Variants in GPHN observed in about 807,000 individuals in gnomAD.
The protein encoded by GPHN is gephyrin.
GPHN carries 17 observed loss-of-function variants against 95.5 expected under a neutral mutation model. That is an observed-to-expected ratio of 0.18 (90% confidence interval 0.12 to 0.27). The LOEUF is 0.27. Among genes scored for constraint, GPHN ranks in the 10% least tolerant of loss-of-function variants. The pLI, the probability that GPHN is intolerant of heterozygous loss-of-function variation, is 1.00. For synonymous variants in GPHN, 320 were observed against 322.5 expected, an observed-to-expected ratio of 0.99 and a Z score of 0.08; for missense variants, 660 against 978.1, an observed-to-expected ratio of 0.67 and a Z score of 4.34.
At chr14:66,614,219 T>G (rs1284713082) in intron 1 of GPHN, among the ~76,000 whole-genome samples, 1 of 152,126 alleles carries the variant, frequency 6.6e-6, no homozygotes, top group African/African-American at 2.4e-5. Context: ...TTTGGGTCTC[T>G]CAACAAACAA....
chr14:67,579,049 C>A, the GPHN span: 1 of 924,388 alleles, frequency 1.1e-6, no homozygotes, highest in Non-Finnish European at 1.7e-6. Context: ...AGTTTTGGTC[C>A]TGGCTGAGTC....
intron 5 of GPHN, among the ~76,000 whole-genome samples, chr14:66,900,297 TTATC>T (rs766572035): frequency 1.4e-4 from 22 of 151,994 alleles, no homozygotes; most frequent in Non-Finnish European, 2.6e-4. Context: ...ATTTTGCTCT[TTATC>T]TAGTTCTTGA....
chr14:66,947,045 A>G (rs2067799992), intron 8 of GPHN, among the ~76,000 whole-genome samples: 1 of 152,232 alleles, frequency 6.6e-6, no homozygotes. Context: ...ATGGATTCTT[A>G]TCACATTCAT....
the GPHN span, among the ~76,000 whole-genome samples, chr14:67,210,495 G>A: frequency 6.6e-6 from 1 of 152,072 alleles, no homozygotes; most frequent in Non-Finnish European, 1.5e-5. Context: ...AGCTGGAAAA[G>A]CAAAATTCCA....
chr14:66,754,256 T>A (rs910092648), intron 2 of GPHN, among the ~76,000 whole-genome samples: 1 of 152,092 alleles, frequency 6.6e-6, no homozygotes, highest in East Asian at 1.9e-4. Context: ...ATATGGTGAC[T>A]CTGTCTTCAG....
the GPHN span, chr14:67,569,094 G>A: frequency 2.2e-6 from 3 of 1,333,852 alleles, no homozygotes; most frequent in Non-Finnish European, 3.2e-6. Context: ...GGGTGGGATG[G>A]GCATCATGCC....
chr14:67,250,812 T>G, the GPHN span, among the ~76,000 whole-genome samples: 2 of 152,236 alleles, frequency 1.3e-5, no homozygotes, highest in African/African-American at 4.8e-5. Flanking sequence ...CTTCTGTTTT[T>G]TATACCTTAT....
chr14:66,745,751 G>A (rs923592117), intron 2 of GPHN, among the ~76,000 whole-genome samples: 1 of 151,916 alleles, frequency 6.6e-6, no homozygotes, highest in East Asian at 1.9e-4. Context: ...GTTTACTTAT[G>A]TATAATGAGT....
At chr14:67,050,373 G>A (rs1184543692) in intron 10 of GPHN, among the ~76,000 whole-genome samples, 1 of 152,128 alleles carries the variant, frequency 6.6e-6, no homozygotes, top group Non-Finnish European at 1.5e-5. Context: ...TTGTTTGAAA[G>A]ATTTGCCATT....
chr14:66,597,064 G>T (rs1345219328), intron 1 of GPHN, among the ~76,000 whole-genome samples: 2 of 152,186 alleles, frequency 1.3e-5, no homozygotes, highest in Non-Finnish European at 2.9e-5. Context: ...ATTGTTTATG[G>T]GGAAAATGGC....
chr14:67,371,286 G>A, the GPHN span, among the ~76,000 whole-genome samples: 2 of 151,952 alleles, frequency 1.3e-5, no homozygotes, highest in Admixed American at 1.3e-4. Context: ...GTGGTGGTGT[G>A]TACCTGTAAA....
At chr14:67,694,602 T>C in the GPHN span, among the ~76,000 whole-genome samples, 2 of 151,734 alleles carry the variant, frequency 1.3e-5, no homozygotes, top group South Asian at 2.1e-4. Flanking sequence ...TCTATGTGGA[T>C]AAGAGGATCT....
chr14:66,936,857 T>C (rs1434968844), intron 8 of GPHN, among the ~76,000 whole-genome samples: 2 of 152,206 alleles, frequency 1.3e-5, no homozygotes, highest in Non-Finnish European at 2.9e-5. Context: ...ACTAAACTTA[T>C]TTGCATTTCT....
At chr14:67,652,981 G>C in the GPHN span, among the ~76,000 whole-genome samples, 1 of 151,998 alleles carries the variant, frequency 6.6e-6, no homozygotes, top group Non-Finnish European at 1.5e-5. Context: ...TAGTAGAGAC[G>C]GGTTTCACCA....
Position 67,181,599 on chromosome 14 carries a change from G to A in GPHN, c.*662G>A. 2.4e-6 allele frequency: 1 copy of A among 418,876 alleles called. No homozygotes were observed. The highest frequency in any genetic ancestry group is 4.6e-6 in the Non-Finnish European group (1 of 216,298). 25.9% of individuals were successfully genotyped at this position (418,876 alleles called of 1,614,324 possible). On this transcript the variant is annotated 3_prime_UTR_variant, in exon 23 of 23. Transcript: ENST00000478722. ...AAAAATGCTTCCTTAAGTGCTGACA[G>A]CCTTTTTAACCAATACATTTAAAAT...
rs1555502004 is a variant in GPHN, at chr14:67,144,250, A to ATATATGT, written c.1836+801_1836+802insTATATGT. Among the ~76,000 whole-genome samples, 208 of 57,756 alleles carry ATATATGT rather than the reference A, an allele frequency of 3.6e-3. 19 individuals are homozygous for ATATATGT. Among genetic ancestry groups the ATATATGT allele is most frequent in the African/African-American group, 0.016 (203 of 12,466 alleles). The allele number at this position is 57,756 out of a possible 152,430, so 37.9% of individuals were successfully genotyped here. ...AGACCCTGTCTTAAAAAAAAAAAAA[A>ATATATGT]ATATATATATATATATATATATATA... On this transcript the variant is annotated intron_variant, in intron 18 of 22. Coordinates refer to ENST00000478722, the MANE Select transcript of GPHN (RefSeq NM_020806.5).
At chr14:66,976,383 C>T (rs1032250161) in intron 9 of GPHN, among the ~76,000 whole-genome samples, 8 of 152,208 alleles carry the variant, frequency 5.3e-5, no homozygotes, top group Non-Finnish European at 1.2e-4. Flanking sequence ...TATAAAACAG[C>T]CCAACAAATA....
the GPHN span, among the ~76,000 whole-genome samples, chr14:67,464,737 C>A: frequency 1.4e-4 from 21 of 152,236 alleles, no homozygotes; most frequent in Non-Finnish European, 2.6e-4. Context: ...TATTCATTTG[C>A]ACACCACCCT....
the GPHN span, among the ~76,000 whole-genome samples, chr14:67,723,482 A>T: frequency 6.6e-6 from 1 of 152,120 alleles, no homozygotes; most frequent in Non-Finnish European, 1.5e-5. Flanking sequence ...CGACCATCCC[A>T]CGTTGGCCTC....
Sources: allele counts gnomAD v4.1 joint callset (sites outside exome capture counted in the v4.1 genomes callset), GRCh38; gene constraint gnomAD v4.1.1; transcripts MANE v1.5; gene names NCBI Gene and HGNC (gene_info 2026-07-23, HGNC 2026-07-21).